CLCN1: variants seen among roughly 807,000 people sequenced by gnomAD.
CLCN1 encodes the protein chloride channel protein 1.
Under a neutral mutation model 114.5 loss-of-function variants are expected in CLCN1, and 100 were observed. The observed-to-expected ratio is 0.87, with a 90% CI of 0.74 to 1.03. The LOEUF is 1.03. Ranked by LOEUF, CLCN1 falls within the 50% of genes least tolerant of loss-of-function variation. CLCN1 has a pLI of 0.00. For missense variants in CLCN1, 1,188 were observed against 1,250.0 expected, an observed-to-expected ratio of 0.95 and a Z score of 0.75; for synonymous variants, 485 against 487.1, an observed-to-expected ratio of 1.00 and a Z score of 0.06.
intron 7 of CLCN1, among the ~76,000 whole-genome samples, chr7:143,326,937 G>GT (rs909123043): frequency 1.3e-5 from 2 of 151,978 alleles, no homozygotes; most frequent in African/African-American, 4.8e-5. Flanking sequence ...GTTAAAGAGA[G>GT]TTTTTTTTAA....
intron 7 of CLCN1, among the ~76,000 whole-genome samples, chr7:143,325,468 G>A (rs1802551707): frequency 6.6e-6 from 1 of 152,188 alleles, no homozygotes. Context: ...ACAGACTAAG[G>A]AACCCAAGTT....
intron 8 of CLCN1, 48 bp downstream of exon 8, chr7:143,330,945 G>A: frequency 6.2e-7 from 1 of 1,613,776 alleles, no homozygotes; most frequent in Non-Finnish European, 8.5e-7. Flanking sequence ...AGAAAAGCTG[G>A]GAATGGGGTG....
chr7:143,321,540 G>A lies in CLCN1; in HGVS notation c.562+47G>A. ...CGGCCTGAGCTGGGTGGCCTGAGAG[G>A]GGCCCTGTCTGTCTCCCCCATCATC... On this transcript the variant is annotated intron_variant, in intron 4 of 22. Transcript: ENST00000343257. This position sits in a 1 kb window ranked among gnomAD's most constrained non-coding sequence, Gnocchi z 4.2. 1 of 1,613,316 alleles carries A rather than the reference G, an allele frequency of 6.2e-7. No individual in the cohort carries two copies.
At chr7:143,351,279 G>A (rs529875218) in intron 22 of CLCN1, among the ~76,000 whole-genome samples, 3 of 152,096 alleles carry the variant, frequency 2.0e-5, no homozygotes, top group South Asian at 2.1e-4. Context: ...TCGGGGATGC[G>A]CTTTGAGGAA....
At position 143,316,203 on chromosome 7, in the gene CLCN1, G is replaced by A. The variant is rs1802286824; in HGVS notation, c.-10G>A. The stretch of plus-strand genomic sequence containing the variant: ...GGCCAAGGCCTGGCCGGGGCTCGGG[G>A]GGAGGGAATATGGAGCAATCCCGGT... On this transcript the variant is annotated 5_prime_UTR_variant, in exon 1 of 23. Transcript: ENST00000343257. 1 of 1,610,150 alleles carries A rather than the reference G, an allele frequency of 6.2e-7. No individual in the cohort carries two copies. The highest frequency in any genetic ancestry group is 8.5e-7 in the Non-Finnish European group (1 of 1,177,782).
rs1350650854 is a variant in CLCN1 at position 143,338,795 on chromosome 7, AAAAAAAAAAAAAAG to A, written c.1402-445_1402-432del. 1.3e-4 allele frequency among the ~76,000 whole-genome samples: 14 copies of A among 106,810 alleles called. No individual in the cohort carries two copies. The East Asian group carries it at 3.1e-3, about 24-fold the overall frequency. 70.1% of individuals were successfully genotyped at this position (106,810 alleles called of 152,430 possible). A position where few individuals can be genotyped will look rare whatever the true frequency, so the allele number is the denominator to read the frequency against. ...GGTGGCAGAGAGAGACCCTGTCTCA[AAAAAAAAAAAAAAG>A]AAAAAAAAAAAACCGGAGCGCCTTT... On this transcript the variant is annotated intron_variant, in intron 12 of 22. Coordinates refer to ENST00000343257, the MANE Select transcript of CLCN1 (RefSeq NM_000083.3).
chr7:143,351,913 GC>G lies in CLCN1; in HGVS notation c.2919del (p.Ser974AlafsTer13), dbSNP rs1208217841. 2.5e-6 allele frequency: 4 copies of G among 1,613,800 alleles called. No homozygotes were observed. Among genetic ancestry groups the G allele is most frequent in the Non-Finnish European group, 2.5e-6 (3 of 1,180,028 alleles). On this transcript the variant is annotated frameshift_variant, in exon 23 of 23. Transcript: ENST00000343257. LOFTEE classifies it high-confidence loss of function. The part of the protein sequence containing the change: ...LEEELADILQ[G>X]PSLRSTDEED... ...GAGGAGCTGGCCGACATCTTGCAGG[GC>G]CCCAGCCTGCGATCCACAGACGAGG...
chr7:143,328,966 C>CTTTTT (rs1245485134), intron 7 of CLCN1, among the ~76,000 whole-genome samples: 1 of 72,004 alleles, frequency 1.4e-5, no homozygotes, highest in African/African-American at 4.4e-5. Flanking sequence ...AATTTTCTTT[C>CTTTTT]TTTCTTTTTT....
At chr7:143,332,688 T>C in intron 11 of CLCN1, 36 bp from the exon 12 acceptor site, 1 of 1,613,162 alleles carries the variant, frequency 6.2e-7, no homozygotes, top group Non-Finnish European at 8.5e-7. Flanking sequence ...AGGAGTTCCC[T>C]GGAGAACCCA....
At position 143,339,363 on chromosome 7, in the gene CLCN1, C is replaced by T; in HGVS notation, c.1471+41C>T. The T allele has an allele frequency of 6.7e-7, 1 of 1,496,616 alleles. No individual in the cohort carries two copies. The highest frequency in any genetic ancestry group is 2.3e-5 in the East Asian group (1 of 44,384). 92.7% of individuals were successfully genotyped at this position (1,496,616 alleles called of 1,614,324 possible). ...AAGCCTGGGGTCTGACTGAGAGTTG[C>T]AATCTAGGATACAGGAAACATAAGG... On this transcript the variant is annotated intron_variant, in intron 13 of 22. Coordinates refer to ENST00000343257, the MANE Select transcript of CLCN1 (RefSeq NM_000083.3). The surrounding 1 kb of genome is among the most constrained non-coding windows in gnomAD (Gnocchi z 4.1).
chr7:143,349,075 T>G (rs1283478398), intron 20 of CLCN1, among the ~76,000 whole-genome samples: 2 of 152,220 alleles, frequency 1.3e-5, no homozygotes, highest in African/African-American at 2.4e-5. Flanking sequence ...AATCATTCAC[T>G]GAAAATGTTG....
At position 143,348,761 on chromosome 7, in the gene CLCN1, G is replaced by C. The variant is rs150953214; in HGVS notation, c.2404-1611G>C. 1.2e-4 allele frequency among the ~76,000 whole-genome samples: 19 copies of C among 152,294 alleles called. No homozygotes were observed. In the East Asian group the frequency reaches 2.5e-3, roughly 20 times the overall value. ...TTCTGCATACTCTGGAGTACACACAGAGCTCTGTTTCTAACCGGTACCGAG... is the reference window on the plus strand; with the variant it reads ...TTCTGCATACTCTGGAGTACACACACAGCTCTGTTTCTAACCGGTACCGAG... On this transcript the variant is annotated intron_variant, in intron 20 of 22. Transcript: ENST00000343257.
rs201113768 is a variant in CLCN1, at chr7:143,321,787, T to C, written c.635T>C (p.Phe212Ser). 79 of 1,614,130 alleles carry C rather than the reference T, an allele frequency of 4.9e-5. No homozygotes were observed. The highest frequency in any genetic ancestry group is 6.3e-5 in the Non-Finnish European group (74 of 1,180,060). ...AAGGAATACCTCACAATGAAAGCCT[T>C]TGTGGCCAAGGTTGTCGCCCTGACT... ...VLKEYLTMKAFVAKVVALTAG... is the reference protein window; with the variant it reads ...VLKEYLTMKASVAKVVALTAG... Residue 212 changes from phenylalanine (F) to serine (S), a missense_variant, in exon 5 of 23, where the codon TTT (phenylalanine) becomes TCT (serine). Physicochemically the swap from Phe to Ser is radical, Grantham distance 155 (BLOSUM62 -2). Coordinates refer to ENST00000343257, the MANE Select transcript of CLCN1 (RefSeq NM_000083.3). The surrounding 1 kb of genome is among the most constrained non-coding windows in gnomAD (Gnocchi z 4.2).
intron 1 of CLCN1, 141 bp from the exon 2 acceptor site, chr7:143,319,614 A>G: frequency 1.2e-6 from 1 of 862,306 alleles, no homozygotes; most frequent in Non-Finnish European, 2.0e-6. Context: ...AGGGATGACC[A>G]CAAAGTCACC....
chr7:143,323,167 C>T (rs1802485295), intron 5 of CLCN1, 142 bp from the exon 6 acceptor site: 11 of 663,252 alleles, frequency 1.7e-5, no homozygotes, highest in South Asian at 5.0e-5. Flanking sequence ...GATGAGGCCT[C>T]GTGAGGGCAG....
chr7:143,330,800 C>T lies in CLCN1; in HGVS notation c.882C>T (p.Ser294=). ...GGVLFSIEVT[S]TYFAVRNYWR... ...TGCTATTTAGCATCGAGGTCACCTCCACCTACTTTGCTGTTCGGAACTACT... is the reference window on the plus strand; with the variant it reads ...TGCTATTTAGCATCGAGGTCACCTCTACCTACTTTGCTGTTCGGAACTACT... Residue 294 remains serine (S), a synonymous_variant, in exon 8 of 23, where the codon TCC becomes TCT. Transcript: ENST00000343257. 1.2e-6 allele frequency: 2 copies of T among 1,614,220 alleles called. No homozygotes were observed. The highest frequency in any genetic ancestry group is 1.7e-4 in the Middle Eastern group (1 of 6,056).
At chr7:143,345,847 G>GGCTGT in intron 17 of CLCN1, 85 bp downstream of exon 17, 1 of 1,539,538 alleles carries the variant, frequency 6.5e-7, no homozygotes, top group Non-Finnish European at 8.8e-7. Flanking sequence ...GGCTGGGCTG[G>GGCTGT]GACAGGCGTA....
chr7:143,345,759 C>T lies in CLCN1; in HGVS notation c.2169C>T (p.Ser723=), dbSNP rs764810133. The T allele has an allele frequency of 2.5e-6, 4 of 1,603,142 alleles. No individual in the cohort carries two copies. Among genetic ancestry groups the T allele is most frequent in the South Asian group, 2.2e-5 (2 of 89,434 alleles). Residue 723 remains serine, a synonymous_variant, in exon 17 of 23, where the codon AGC becomes AGT. Coordinates refer to ENST00000343257, the MANE Select transcript of CLCN1 (RefSeq NM_000083.3). ...EDEDEDLSGK[S]ELPPSLALHP... ...AGGACGAAGACCTCTCTGGCAAGAG[C>T]GAGGTGACCGCGCCGGGAAGGGCTA...
At chr7:143,337,914 A>G (rs887002550) in intron 12 of CLCN1, among the ~76,000 whole-genome samples, 1 of 133,562 alleles carries the variant, frequency 7.5e-6, no homozygotes, top group Non-Finnish European at 1.5e-5. Flanking sequence ...GCAAGCTCCA[A>G]CTCCCGGGTT....
Sources: gnomAD v4.1 joint callset for allele counts (sites outside exome capture counted in the v4.1 genomes callset) on GRCh38, gnomAD v4.1.1 for gene constraint, Gnocchi (gnomAD v3.1) non-coding constraint, MANE v1.5 for transcripts, NCBI Gene and HGNC (gene_info 2026-07-23, HGNC 2026-07-21) for gene names.